LMBRD2: variants seen among roughly 807,000 people sequenced by gnomAD.
LMBRD2 encodes LMBR1 domain containing 2.
In LMBRD2, 55 loss-of-function variants were observed where a neutral mutation model predicts 94.4. The ratio of observed to expected loss-of-function variants is 0.58; its 90% CI spans 0.47 to 0.73. The LOEUF (loss-of-function observed/expected upper bound fraction) is 0.73, where lower values mean the gene tolerates loss of function less well. Among genes scored for constraint, LMBRD2 ranks in the 30% least tolerant of loss-of-function variants. The probability of loss-of-function intolerance (pLI) is 0.00; values close to 1 mark genes in which losing one functional copy is unlikely to be tolerated. For synonymous variants in LMBRD2, 246 were observed against 272.4 expected (o/e 0.90, Z 0.95); for missense variants, 640 against 831.9 (o/e 0.77, Z 2.84).
At chr5:36,134,382 A>G (rs190379840) in intron 6 of LMBRD2, among the ~76,000 whole-genome samples, 1 of 152,278 alleles carries the variant, frequency 6.6e-6, no homozygotes, top group African/African-American at 2.4e-5. Flanking sequence ...AGTCTGGACA[A>G]TCAGGGAAGA....
chr5:36,148,990 G>C (rs1744622188), intron 1 of LMBRD2, among the ~76,000 whole-genome samples: 1 of 152,012 alleles, frequency 6.6e-6, no homozygotes, highest in African/African-American at 2.4e-5. Context: ...TTGATTTAAG[G>C]GTAATATATG....
chr5:36,144,716 G>A (rs1049071951), intron 1 of LMBRD2, among the ~76,000 whole-genome samples: 10 of 151,868 alleles, frequency 6.6e-5, no homozygotes, highest in African/African-American at 1.7e-4. Flanking sequence ...AAATAAGGGA[G>A]AACCAATGAA....
intron 6 of LMBRD2, among the ~76,000 whole-genome samples, chr5:36,135,236 G>T (rs546426465): frequency 6.6e-6 from 1 of 152,046 alleles, no homozygotes; most frequent in Non-Finnish European, 1.5e-5. Context: ...TAATCTCTCC[G>T]TGCCTCATAT....
Position 36,136,292 on chromosome 5 carries a change from G to A in LMBRD2, c.747+17C>T, listed in dbSNP as rs781398603. The A allele has an allele frequency of 3.7e-6, 6 of 1,610,492 alleles. No individual in the cohort carries two copies. The South Asian group carries it at 4.4e-5, about 12-fold the overall frequency. On this transcript the variant is annotated intron_variant, in intron 6 of 17. Coordinates refer to ENST00000296603, the MANE Select transcript of LMBRD2 (RefSeq NM_001007527.2). The stretch of plus-strand genomic sequence containing the variant: ...ATGACTTAGTGACTATTGCTTATAA[G>A]GTTCAAACTTGCTTACCTCCATGGC...
chr5:36,128,368 G>A lies in LMBRD2; in HGVS notation c.748-4103C>T, dbSNP rs947576874. Among the ~76,000 whole-genome samples, 9 of 152,148 alleles carry A rather than the reference G, an allele frequency of 5.9e-5. No individual in the cohort carries two copies. In the South Asian group the frequency reaches 8.3e-4, roughly 14 times the overall value. ...CCTAACTTTTCAATGTCCAGACACC[G>A]ACGAACATCCACAAGAATCAAGCCC... is the stretch of plus-strand genomic sequence containing the variant. On this transcript the variant is annotated intron_variant, in intron 6 of 17. Transcript: ENST00000296603.
intron 10 of LMBRD2, among the ~76,000 whole-genome samples, chr5:36,117,046 C>A (rs1353664253): frequency 1.3e-5 from 2 of 151,940 alleles, no homozygotes; most frequent in East Asian, 1.9e-4. Context: ...TTTTTAATCA[C>A]CCACTAAGAT....
intron 1 of LMBRD2, among the ~76,000 whole-genome samples, chr5:36,150,587 C>A (rs778513237): frequency 1.1e-4 from 16 of 152,238 alleles, no homozygotes; most frequent in Non-Finnish European, 2.4e-4. Context: ...CAAATGCTTT[C>A]TCCTTAGCCA....
In LMBRD2 at chr5:36,118,496, G is replaced by A. The variant is rs1374528500; in HGVS notation, c.1121-580C>T. On this transcript the variant is annotated intron_variant, in intron 9 of 17. Transcript: ENST00000296603. ...ATCTTTATTTTTAGAAAATATACAC[G>A]GAAACATTTAGGAACAAGGAGGCAT... Among the ~76,000 whole-genome samples the A allele has an allele frequency of 4.6e-5, 7 of 151,774 alleles. No individual in the cohort carries two copies. The South Asian group carries it at 8.3e-4, about 18-fold the overall frequency.
Position 36,101,786 on chromosome 5 carries a change from A to G in LMBRD2, c.*2260T>C, listed in dbSNP as rs967423476. On this transcript the variant is annotated 3_prime_UTR_variant, in exon 18 of 18. Transcript: ENST00000296603. ...AATATAACTTGAAAGTCATAAAGGA[A>G]TCTATACCGGTTGTGAAGTGTATGC... 5 of 151,934 alleles carry G rather than the reference A, an allele frequency of 3.3e-5. No homozygotes were observed. The highest frequency in any genetic ancestry group is 5.9e-5 in the Non-Finnish European group (4 of 67,852). 9.4% of individuals were successfully genotyped at this position (151,934 alleles called of 1,614,324 possible). A position where few individuals can be genotyped will look rare whatever the true frequency, so the allele number is the denominator to read the frequency against.
chr5:36,106,513 T>TTC (rs1242263223), intron 16 of LMBRD2, among the ~76,000 whole-genome samples: 1 of 146,728 alleles, frequency 6.8e-6, no homozygotes, highest in East Asian at 2.0e-4. Flanking sequence ...TCTTTCGTTT[T>TTC]TTTTTTTTTT....
At chr5:36,129,642 T>C (rs899495115) in intron 6 of LMBRD2, among the ~76,000 whole-genome samples, 3 of 152,186 alleles carry the variant, frequency 2.0e-5, no homozygotes, top group African/African-American at 4.8e-5. Flanking sequence ...GAAAAGGACA[T>C]TGATGAGCAA....
chr5:36,116,833 C>A (rs897224862), intron 10 of LMBRD2, among the ~76,000 whole-genome samples: 1 of 152,092 alleles, frequency 6.6e-6, no homozygotes, highest in East Asian at 1.9e-4. Flanking sequence ...TGTGCCACCA[C>A]GCCCGGCTAA....
chr5:36,105,347 C>G, intron 16 of LMBRD2, 150 bp from the exon 17 acceptor site: 1 of 706,062 alleles, frequency 1.4e-6, no homozygotes, highest in Non-Finnish European at 2.3e-6. Context: ...TCCTTAAAAT[C>G]AGATTAAAAT....
chr5:36,108,508 A>G (rs186671043), intron 16 of LMBRD2, 26 bp downstream of exon 16: 2 of 1,228,496 alleles, frequency 1.6e-6, no homozygotes, highest in Admixed American at 3.8e-5. Flanking sequence ...ACAATTTCCA[A>G]GTGAACTAGA....
rs183552784 is a variant in LMBRD2, at chr5:36,130,436, C to T, written c.747+5873G>A. Among the ~76,000 whole-genome samples, 386 of 151,732 alleles carry T rather than the reference C, an allele frequency of 2.5e-3. 2 individuals are homozygous for T. Among genetic ancestry groups the T allele is most frequent in the African/African-American group, 8.8e-3 (364 of 41,380 alleles). ...AACCAAAAAGCATACAACAGATACACAAAAAATAAGAAGCAAGAAGTTAAA... is the reference window on the plus strand; with the variant it reads ...AACCAAAAAGCATACAACAGATACATAAAAAATAAGAAGCAAGAAGTTAAA... On this transcript the variant is annotated intron_variant, in intron 6 of 17. Transcript: ENST00000296603.
chr5:36,104,249 C>T (rs572509413), intron 17 of LMBRD2, 143 bp from the exon 18 acceptor site: 1 of 644,894 alleles, frequency 1.6e-6, no homozygotes, highest in African/African-American at 1.8e-5. Context: ...AGAAACTTAC[C>T]CTCCAAGTAT....
chr5:36,125,366 G>A (rs1474948877), intron 6 of LMBRD2, among the ~76,000 whole-genome samples: 1 of 152,116 alleles, frequency 6.6e-6, no homozygotes, highest in African/African-American at 2.4e-5. Flanking sequence ...TCAAGGCGGA[G>A]AAGCCATCTA....
rs754550557 is a variant in LMBRD2, at chr5:36,108,616, G to A, written c.1815C>T (p.His605=). The change falls in exon 16 of 18, where the codon CAC becomes CAT. Residue 605 remains histidine, a synonymous_variant. Coordinates refer to ENST00000296603, the MANE Select transcript of LMBRD2 (RefSeq NM_001007527.2). The stretch of plus-strand genomic sequence containing the variant: ...TGTTCCTAGTGGAATCTTCTCTATT[G>A]TGTCCATAACGTTCTTTCCATTCCT... The part of the protein sequence containing the change: ...RRREWKERYG[H]NREDSTRNRN... 13 of 1,575,430 alleles carry A rather than the reference G, an allele frequency of 8.3e-6. No individual in the cohort carries two copies. The highest frequency in any genetic ancestry group is 1.7e-5 in the Admixed American group (1 of 58,842).
chr5:36,150,006 A>C (rs1281133553), intron 1 of LMBRD2, among the ~76,000 whole-genome samples: 12 of 152,260 alleles, frequency 7.9e-5, no homozygotes, highest in Non-Finnish European at 1.0e-4. Flanking sequence ...TGTACCTACT[A>C]ATCTCGTCTT....
Sources: gnomAD v4.1 joint callset for allele counts (sites outside exome capture counted in the v4.1 genomes callset) on GRCh38, gnomAD v4.1.1 for gene constraint, MANE v1.5 for transcripts, NCBI Gene and HGNC (gene_info 2026-07-23, HGNC 2026-07-21) for gene names.